Variants in RBFOX3 observed in about 807,000 individuals in gnomAD.
The protein encoded by RBFOX3 is RNA binding protein fox-1 homolog 3.
In RBFOX3, 17 loss-of-function variants were observed where a neutral mutation model predicts 48.7. The ratio of observed to expected loss-of-function variants is 0.35; its 90% CI spans 0.24 to 0.52. The LOEUF (loss-of-function observed/expected upper bound fraction) is 0.52. RBFOX3 is among the 20% of genes least tolerant of loss of function. The probability of loss-of-function intolerance (pLI) is 0.94; values close to 1 mark genes in which losing one functional copy is unlikely to be tolerated. For missense variants in RBFOX3, 382 were observed against 497.5 expected, an observed-to-expected ratio of 0.77 and a Z score of 2.21; for synonymous variants, 212 against 209.5, an observed-to-expected ratio of 1.01 and a Z score of -0.10.
rs1431299594 is a variant in RBFOX3 at position 79,260,839 on chromosome 17, T to A, written c.-73-25034A>T. Among the ~76,000 whole-genome samples the A allele has an allele frequency of 2.0e-5, 3 of 152,172 alleles. No homozygotes were observed. In the East Asian group the frequency reaches 5.8e-4, roughly 29 times the overall value. On this transcript the variant is annotated intron_variant, in intron 3 of 14. Coordinates refer to ENST00000693108, the MANE Select transcript of RBFOX3 (RefSeq NM_001350451.2). Reference sequence around the variant, plus strand: ...CAACTCCAAAGTCCTTTCCCAGCTCTGAGGCCCACCAGCTCTGGCCGACTG... The same window carrying A: ...CAACTCCAAAGTCCTTTCCCAGCTCAGAGGCCCACCAGCTCTGGCCGACTG...
chr17:79,369,600 C>T (rs1042188399), intron 2 of RBFOX3, among the ~76,000 whole-genome samples: 1 of 152,100 alleles, frequency 6.6e-6, no homozygotes, highest in African/African-American at 2.4e-5. Flanking sequence ...CTCTGGTTAG[C>T]GTTGAAAGCC....
At chr17:79,549,486 G>A (rs1281633870) in intron 1 of RBFOX3, among the ~76,000 whole-genome samples, 1 of 152,278 alleles carries the variant, frequency 6.6e-6, no homozygotes, top group African/African-American at 2.4e-5. Context: ...GTGAGAGCAA[G>A]TGAATCTGAT....
chr17:79,650,585 G>A, the RBFOX3 span, among the ~76,000 whole-genome samples: 1 of 152,108 alleles, frequency 6.6e-6, no homozygotes, highest in Non-Finnish European at 1.5e-5. Flanking sequence ...CACAGAGCAG[G>A]GGACAAGCAC....
chr17:79,366,841 C>G lies in RBFOX3; in HGVS notation c.-174-59017G>C, dbSNP rs115230852. Among the ~76,000 whole-genome samples, 376 of 152,318 alleles carry G rather than the reference C, an allele frequency of 2.5e-3. 2 individuals carry two copies. Among genetic ancestry groups the G allele is most frequent in the African/African-American group, 8.5e-3 (354 of 41,568 alleles). On this transcript the variant is annotated intron_variant, in intron 2 of 14. Transcript: ENST00000693108. ...CTGGAGCCCCTTCCGGGGAGCTGCT[C>G]TCACCCCAGCTGCTGGGACCCTGGG...
At chr17:79,368,513 T>C (rs113416817) in intron 2 of RBFOX3, among the ~76,000 whole-genome samples, 1 of 152,316 alleles carries the variant, frequency 6.6e-6, no homozygotes, top group African/African-American at 2.4e-5. Flanking sequence ...GTTCCACCGG[T>C]TCCCCGCACC....
chr17:79,115,229 C>T (rs1199365222), intron 5 of RBFOX3, among the ~76,000 whole-genome samples: 1 of 152,222 alleles, frequency 6.6e-6, no homozygotes, highest in Non-Finnish European at 1.5e-5. Flanking sequence ...GCCACCCCAC[C>T]CCTAGGTGCC....
intron 2 of RBFOX3, among the ~76,000 whole-genome samples, chr17:79,430,269 C>CACATAAAT (rs140105883): frequency 6.9e-6 from 1 of 143,938 alleles, no homozygotes; most frequent in Non-Finnish European, 1.5e-5. Flanking sequence ...AAACATCTTC[C>CACATAAAT]AAATAAATAA....
At chr17:79,488,757 CT>C (rs1316461209) in intron 1 of RBFOX3, among the ~76,000 whole-genome samples, 2 of 152,234 alleles carry the variant, frequency 1.3e-5, no homozygotes, top group Non-Finnish European at 2.9e-5. Flanking sequence ...TCCCTGCCCC[CT>C]GTATGAGGCA....
the RBFOX3 span, among the ~76,000 whole-genome samples, chr17:79,622,513 G>A: frequency 1.3e-5 from 2 of 152,220 alleles, no homozygotes; most frequent in African/African-American, 2.4e-5. Context: ...GACTGTGGAT[G>A]TAAACATTCA....
At chr17:79,114,100 A>G (rs924926121) in intron 5 of RBFOX3, among the ~76,000 whole-genome samples, 1 of 152,184 alleles carries the variant, frequency 6.6e-6, no homozygotes, top group East Asian at 1.9e-4. Context: ...GTTTGAGCAG[A>G]TAAGCTGTGT....
intron 1 of RBFOX3, among the ~76,000 whole-genome samples, chr17:79,502,681 C>T (rs2082539013): frequency 6.6e-6 from 1 of 152,224 alleles, no homozygotes; most frequent in African/African-American, 2.4e-5. Flanking sequence ...TGCCTTTGAA[C>T]TGGAGAAAAA....
chr17:79,172,093 GA>G (rs1439181702), intron 4 of RBFOX3, among the ~76,000 whole-genome samples: 1 of 145,140 alleles, frequency 6.9e-6, no homozygotes, highest in Non-Finnish European at 1.5e-5. Flanking sequence ...AGAATTGCCT[GA>G]ACCCGGGAGG....
intron 2 of RBFOX3, among the ~76,000 whole-genome samples, chr17:79,330,396 A>G (rs1487264849): frequency 6.6e-6 from 1 of 152,164 alleles, no homozygotes; most frequent in African/African-American, 2.4e-5. Context: ...TCTCCCACTC[A>G]GACCCTCACT....
Position 79,214,947 on chromosome 17 carries a change from C to T in RBFOX3, c.-34+20819G>A, listed in dbSNP as rs117413389. Among the ~76,000 whole-genome samples the T allele has an allele frequency of 0.01, 1,529 of 152,298 alleles. 12 individuals carry two copies. Among genetic ancestry groups the T allele is most frequent in the Non-Finnish European group, 0.016 (1,090 of 68,002 alleles). On this transcript the variant is annotated intron_variant, in intron 4 of 14. Transcript: ENST00000693108. This position sits in a 1 kb window ranked among gnomAD's most constrained non-coding sequence, Gnocchi z 4.7. ...TGGAGACGTTCTGCCTTGGCATCTT[C>T]GCCTGGTGCCGGTCAATTATGAAGC...
chr17:79,567,570 CT>C (rs2092514609), intron 1 of RBFOX3, among the ~76,000 whole-genome samples: 18,785 of 152,148 alleles, frequency 0.12, 1,871 homozygotes, highest in African/African-American at 0.26. Flanking sequence ...ACAGGTTTCC[CT>C]GATTTGATCA....
intron 4 of RBFOX3, among the ~76,000 whole-genome samples, chr17:79,120,415 G>C (rs1465308438): frequency 6.6e-6 from 1 of 151,422 alleles, no homozygotes; most frequent in African/African-American, 2.4e-5. Flanking sequence ...GGATTAAAGG[G>C]TGGGTAGATG....
intron 2 of RBFOX3, among the ~76,000 whole-genome samples, chr17:79,465,118 G>T (rs2076141434): frequency 6.6e-6 from 1 of 152,238 alleles, no homozygotes; most frequent in African/African-American, 2.4e-5. Flanking sequence ...CACCTCCCTC[G>T]TGTCTTCCTC....
chr17:79,410,860 C>T (rs1021667479), intron 2 of RBFOX3, among the ~76,000 whole-genome samples: 33 of 152,148 alleles, frequency 2.2e-4, no homozygotes, highest in African/African-American at 6.8e-4. Flanking sequence ...GGCAAGGCCC[C>T]GCCATACCAG....
chr17:79,464,877 C>A (rs1488105345), intron 2 of RBFOX3, among the ~76,000 whole-genome samples: 1 of 152,214 alleles, frequency 6.6e-6, no homozygotes, highest in Non-Finnish European at 1.5e-5. Flanking sequence ...AGTCCTCAGT[C>A]CCTGCAGAAG....
Sources: gnomAD v4.1 joint callset for allele counts (sites outside exome capture counted in the v4.1 genomes callset) on GRCh38, gnomAD v4.1.1 for gene constraint, Gnocchi (gnomAD v3.1) non-coding constraint, MANE v1.5 for transcripts, NCBI Gene and HGNC (gene_info 2026-07-23, HGNC 2026-07-21) for gene names.